The following WDR70 variants were observed in gnomAD, a reference collection of about 807,000 sequenced individuals.
WDR70 encodes WD repeat-containing protein 70.
In WDR70, 53 loss-of-function variants were observed where a neutral mutation model predicts 88.6. That is an observed-to-expected ratio of 0.60 (90% CI 0.48 to 0.75). The LOEUF (loss-of-function observed/expected upper bound fraction) is 0.75, where lower values mean the gene tolerates loss of function less well. Among genes scored for constraint, WDR70 ranks in the 30% least tolerant of loss-of-function variants. The pLI is 0.00. For synonymous variants in WDR70, 280 were observed against 270.0 expected (o/e 1.04, Z -0.36); for missense variants, 610 against 823.2 (o/e 0.74, Z 3.17).
intron 13 of WDR70, among the ~76,000 whole-genome samples, chr5:37,713,206 G>A (rs1747566017): frequency 6.6e-6 from 1 of 152,136 alleles, no homozygotes; most frequent in Admixed American, 6.6e-5. Flanking sequence ...GAGATGAAGG[G>A]CCAATCACGT....
intron 9 of WDR70, among the ~76,000 whole-genome samples, chr5:37,589,235 T>C (rs532856191): frequency 6.5e-5 from 7 of 107,082 alleles, no homozygotes; most frequent in African/African-American, 2.3e-4. Context: ...TACATACATA[T>C]ATACCTACAC....
intron 5 of WDR70, among the ~76,000 whole-genome samples, chr5:37,437,671 A>G (rs1266481014): frequency 1.3e-5 from 2 of 152,180 alleles, no homozygotes; most frequent in South Asian, 2.1e-4. Flanking sequence ...AGATAATTTT[A>G]TAGAACCTAA....
At chr5:37,746,183 A>G (rs547773262) in intron 17 of WDR70, among the ~76,000 whole-genome samples, 1 of 152,322 alleles carries the variant, frequency 6.6e-6, no homozygotes, top group African/African-American at 2.4e-5. Flanking sequence ...ACTCCTGGAT[A>G]GATAGTGAAA....
intron 9 of WDR70, among the ~76,000 whole-genome samples, chr5:37,522,938 C>A (rs1741142281): frequency 6.6e-6 from 1 of 152,222 alleles, no homozygotes; most frequent in Admixed American, 6.5e-5. Context: ...GGGGAAGGGG[C>A]ACCCACCAAT....
chr5:37,516,277 A>C (rs1740880669), intron 8 of WDR70, among the ~76,000 whole-genome samples: 1 of 152,186 alleles, frequency 6.6e-6, no homozygotes, highest in African/African-American at 2.4e-5. Context: ...TGTTACATAC[A>C]AGCACTGAGT....
At chr5:37,486,133 C>T (rs1051034035) in intron 8 of WDR70, among the ~76,000 whole-genome samples, 11 of 151,864 alleles carry the variant, frequency 7.2e-5, no homozygotes, top group African/African-American at 2.2e-4. Context: ...CTTTCTAGAC[C>T]GTAACTACAC....
chr5:37,740,312 C>CACA (rs1480057569), intron 17 of WDR70, among the ~76,000 whole-genome samples: 1 of 152,060 alleles, frequency 6.6e-6, no homozygotes, highest in Non-Finnish European at 1.5e-5. Context: ...GATTTCTAAA[C>CACA]GTTTTCAAAA....
chr5:37,674,759 G>T (rs1430324256), intron 10 of WDR70, among the ~76,000 whole-genome samples: 2 of 151,680 alleles, frequency 1.3e-5, no homozygotes, highest in Non-Finnish European at 2.9e-5. Flanking sequence ...GTAATGGGAT[G>T]GCTGGGTCAA....
At chr5:37,415,804 G>A (rs1486934748) in intron 5 of WDR70, among the ~76,000 whole-genome samples, 57 of 148,962 alleles carry the variant, frequency 3.8e-4, no homozygotes, top group African/African-American at 1.4e-3. Flanking sequence ...CGGGGCGGCC[G>A]GGCAGAGACG....
At chr5:37,437,834 A>G in intron 5 of WDR70, 88 bp from the exon 6 acceptor site, 1 of 1,316,712 alleles carries the variant, frequency 7.6e-7, no homozygotes, top group Non-Finnish European at 1.0e-6. Flanking sequence ...TGCAATTTTA[A>G]AAAATTGTAT....
intron 10 of WDR70, among the ~76,000 whole-genome samples, chr5:37,662,619 T>C (rs984661672): frequency 2.6e-5 from 4 of 152,200 alleles, no homozygotes; most frequent in Admixed American, 2.6e-4. Flanking sequence ...AATGTGGAAA[T>C]GAGGGGTGTT....
rs1010315036 is a variant in WDR70, at chr5:37,501,102, AT to A, written c.841-15402del. On this transcript the variant is annotated intron_variant, in intron 8 of 17. Transcript: ENST00000265107. ...TGTCATTTGTCCACTTTTTGATGGG[AT>A]TTTTTTTTTCTTGCTGATTTGTTTG... is the stretch of plus-strand genomic sequence containing the variant. 1.1e-4 allele frequency among the ~76,000 whole-genome samples: 17 copies of A among 148,432 alleles called. No homozygotes were observed. The East Asian group carries it at 1.6e-3, about 14-fold the overall frequency.
intron 8 of WDR70, among the ~76,000 whole-genome samples, chr5:37,513,286 C>T (rs913599090): frequency 3.9e-5 from 6 of 152,068 alleles, no homozygotes; most frequent in African/African-American, 1.2e-4. Flanking sequence ...CTTATTTGAG[C>T]AAGTGGCATG....
At chr5:37,674,009 A>G (rs1331449452) in intron 10 of WDR70, among the ~76,000 whole-genome samples, 1 of 152,068 alleles carries the variant, frequency 6.6e-6, no homozygotes, top group Non-Finnish European at 1.5e-5. Flanking sequence ...TTCTTTATCC[A>G]GTCTATCATT....
chr5:37,591,466 T>G (rs1194155165), intron 9 of WDR70, among the ~76,000 whole-genome samples: 1 of 152,216 alleles, frequency 6.6e-6, no homozygotes. Context: ...TGGAAAAATT[T>G]CCTTGAAAGA....
At chr5:37,453,508 T>C (rs1222599373) in intron 7 of WDR70, among the ~76,000 whole-genome samples, 1 of 152,256 alleles carries the variant, frequency 6.6e-6, no homozygotes, top group Non-Finnish European at 1.5e-5. Flanking sequence ...TAAGCAGTTT[T>C]CTGCCCTGGG....
chr5:37,463,439 C>T (rs1739070971), intron 7 of WDR70, among the ~76,000 whole-genome samples: 1 of 152,118 alleles, frequency 6.6e-6, no homozygotes, highest in African/African-American at 2.4e-5. Flanking sequence ...GTGACAGCCC[C>T]AAACAGCTGT....
At chr5:37,415,006 A>G (rs1749655354) in intron 5 of WDR70, among the ~76,000 whole-genome samples, 1 of 151,092 alleles carries the variant, frequency 6.6e-6, no homozygotes, top group Non-Finnish European at 1.5e-5. Flanking sequence ...GCTGCCTTCA[A>G]GCATCTGTTT....
At chr5:37,645,079 T>C (rs940507122) in intron 10 of WDR70, among the ~76,000 whole-genome samples, 8 of 151,992 alleles carry the variant, frequency 5.3e-5, no homozygotes, top group Non-Finnish European at 1.2e-4. Flanking sequence ...GGTCATTTAT[T>C]TGAAGTTTTC....
Sources: allele counts gnomAD v4.1 joint callset (sites outside exome capture counted in the v4.1 genomes callset), GRCh38; gene constraint gnomAD v4.1.1; transcripts MANE v1.5; gene names NCBI Gene and HGNC (gene_info 2026-07-23, HGNC 2026-07-21).